The following EEF1AKMT3 variants were observed in gnomAD, a reference collection of about 807,000 sequenced individuals.
EEF1AKMT3 encodes eEF1A-KMT3.
Under a neutral mutation model 17.8 loss-of-function variants are expected in EEF1AKMT3, and 17 were observed. That is an observed-to-expected ratio of 0.96 (90% CI 0.65 to 1.43). The LOEUF (loss-of-function observed/expected upper bound fraction) is 1.43. EEF1AKMT3 is among the 40% of genes most tolerant of loss of function. EEF1AKMT3 has a pLI of 0.00. For synonymous variants in EEF1AKMT3, 116 were observed against 126.5 expected (o/e 0.92, Z 0.56); for missense variants, 244 against 285.8 (o/e 0.85, Z 1.06).
Position 57,780,271 on chromosome 12 carries a change from C to G in EEF1AKMT3, c.306C>G (p.Ile102Met), listed in dbSNP as rs1223447425. Reference sequence around the variant, plus strand: ...CTCTCTCAGGGGGGGATGTTACCATCACTGACCTGCCCCTGGCCCTAGAAC... The same window carrying G: ...CTCTCTCAGGGGGGGATGTTACCATGACTGACCTGCCCCTGGCCCTAGAAC... ...LAALQGGDVT[I>M]TDLPLALEQI... Residue 102 changes from isoleucine (I) to methionine (M), a missense_variant, in exon 3 of 3, where the codon ATC (isoleucine) becomes ATG (methionine). Coordinates refer to ENST00000300209, the MANE Select transcript of EEF1AKMT3 (RefSeq NM_015433.3). The G allele has an allele frequency of 6.2e-7, 1 of 1,613,358 alleles. No homozygotes were observed. The highest frequency in any genetic ancestry group is 1.3e-5 in the African/African-American group (1 of 75,012).
chr12:57,775,783 C>G (rs569062704), intron 2 of EEF1AKMT3, among the ~76,000 whole-genome samples: 2 of 152,236 alleles, frequency 1.3e-5, no homozygotes, highest in Non-Finnish European at 2.9e-5. Context: ...CCACCAAACA[C>G]ATTTCTCCCT....
In EEF1AKMT3 at chr12:57,780,292, A is replaced by G. The variant is rs1955504383; in HGVS notation, c.327A>G (p.Leu109=). 1 of 1,613,902 alleles carries G rather than the reference A, an allele frequency of 6.2e-7. No homozygotes were observed. The highest frequency in any genetic ancestry group is 8.5e-7 in the Non-Finnish European group (1 of 1,180,006). The part of the protein sequence containing the change: ...DVTITDLPLA[L]EQIQGNVQAN... ...CCATCACTGACCTGCCCCTGGCCCT[A>G]GAACAGATCCAGGGCAACGTCCAGG... Residue 109 remains leucine (L), a synonymous_variant, in exon 3 of 3, where the codon CTA becomes CTG. Coordinates refer to ENST00000300209, the MANE Select transcript of EEF1AKMT3 (RefSeq NM_015433.3).
chr12:57,773,412 T>TC lies in EEF1AKMT3; in HGVS notation c.289+284_289+285insC, dbSNP rs59022195. Among the ~76,000 whole-genome samples the TC allele has an allele frequency of 8.1e-4, 63 of 77,376 alleles. 2 individuals are homozygous for TC. The South Asian group carries it at 0.04, about 49-fold the overall frequency. The allele number at this position is 77,376 out of a possible 152,430, so 50.8% of individuals were successfully genotyped here. On this transcript the variant is annotated intron_variant, in intron 2 of 2. Transcript: ENST00000300209. ...GAAGGAGTTGTTTCTATCGTGTTGC[T>TC]TTTTTTTTGTTTTTAATTTTTTTTG... is the stretch of plus-strand genomic sequence containing the variant.
intron 2 of EEF1AKMT3, among the ~76,000 whole-genome samples, chr12:57,777,430 G>A (rs1361604302): frequency 6.6e-6 from 1 of 152,136 alleles, no homozygotes; most frequent in Non-Finnish European, 1.5e-5. Flanking sequence ...AAGGTCGTGA[G>A]CTTCATTTCC....
intron 2 of EEF1AKMT3, 143 bp from the exon 3 acceptor site, chr12:57,780,112 T>A: frequency 1.1e-6 from 1 of 873,492 alleles, no homozygotes; most frequent in Non-Finnish European, 1.7e-6. Context: ...AAATGGAGGT[T>A]GAGGCAACTA....
Position 57,780,492 on chromosome 12 carries a change from T to C in EEF1AKMT3, c.527T>C (p.Ile176Thr), listed in dbSNP as rs111299874. 6.6e-3 allele frequency: 10,604 copies of C among 1,614,154 alleles called. 79 individuals are homozygous for C. Among genetic ancestry groups the C allele is most frequent in the Non-Finnish European group, 7.8e-3 (9,181 of 1,180,024 alleles). Residue 176 changes from isoleucine (I) to threonine (T), a missense_variant, in exon 3 of 3, where the codon ATC (isoleucine) becomes ACC (threonine). Ile to Thr is a moderately conservative substitution (Grantham distance 89). Transcript: ENST00000300209. ...CACCTGTGCAGGCCCCATGGCACCATCTATCTGGCCTCCAAGATGAGAAAG... is the reference window on the plus strand; with the variant it reads ...CACCTGTGCAGGCCCCATGGCACCACCTATCTGGCCTCCAAGATGAGAAAG... ...LQHLCRPHGT[I>T]YLASKMRKEH...
Position 57,781,769 on chromosome 12 carries a change from A to C in EEF1AKMT3, c.*1123A>C, listed in dbSNP as rs1370310560. The C allele has an allele frequency of 1.3e-5, 2 of 152,000 alleles. No homozygotes were observed. Among genetic ancestry groups the C allele is most frequent in the East Asian group, 3.9e-4 (2 of 5,182 alleles). 9.4% of individuals were successfully genotyped at this position (152,000 alleles called of 1,614,324 possible). On this transcript the variant is annotated 3_prime_UTR_variant, in exon 3 of 3. Transcript: ENST00000300209. Reference sequence around the variant, plus strand: ...ACCTCTTTTCTCTTCCCACATTGGTACTTCTGGTTGGGGCTCTCTTTACTT... The same window carrying C: ...ACCTCTTTTCTCTTCCCACATTGGTCCTTCTGGTTGGGGCTCTCTTTACTT...
At chr12:57,774,706 G>A in intron 2 of EEF1AKMT3, 1 of 1,613,040 alleles carries the variant, frequency 6.2e-7, no homozygotes, top group Non-Finnish European at 8.5e-7. Flanking sequence ...TGGAGCCTGT[G>A]GACATGCTCT....
intron 2 of EEF1AKMT3, among the ~76,000 whole-genome samples, chr12:57,779,737 C>G (rs927702012): frequency 6.6e-6 from 1 of 152,284 alleles, no homozygotes; most frequent in South Asian, 2.1e-4. Context: ...ATCACTTTCC[C>G]TTTGTCTCAT....
At chr12:57,774,559 C>T (rs926879593) in intron 2 of EEF1AKMT3, 44 of 729,588 alleles carry the variant, frequency 6.0e-5, no homozygotes, top group African/African-American at 4.9e-4. Flanking sequence ...TTTCAAGTCC[C>T]CTATGTACCA....
intron 2 of EEF1AKMT3, among the ~76,000 whole-genome samples, chr12:57,776,161 T>C (rs907740834): frequency 1.3e-5 from 2 of 152,232 alleles, no homozygotes; most frequent in East Asian, 1.9e-4. Flanking sequence ...CCAACACCTA[T>C]GGCATGGCCC....
intron 2 of EEF1AKMT3, among the ~76,000 whole-genome samples, chr12:57,779,396 T>C (rs578109662): frequency 3.4e-4 from 52 of 152,274 alleles, no homozygotes; most frequent in Non-Finnish European, 6.5e-4. Flanking sequence ...CTTATCTTCT[T>C]AGTTCATCAT....
intron 2 of EEF1AKMT3, chr12:57,774,878 G>C: frequency 1.0e-6 from 1 of 980,290 alleles, no homozygotes; most frequent in Non-Finnish European, 1.5e-6. Context: ...GGCCGAGGCA[G>C]GCGGATTACC....
At chr12:57,775,376 CTT>C (rs199924829) in intron 2 of EEF1AKMT3, among the ~76,000 whole-genome samples, 11 of 136,534 alleles carry the variant, frequency 8.1e-5, no homozygotes, top group Admixed American at 1.5e-4. Context: ...GTTAAATGTT[CTT>C]TTTTTTTTTT....
intron 2 of EEF1AKMT3, among the ~76,000 whole-genome samples, chr12:57,779,672 G>T (rs1476872669): frequency 6.6e-6 from 1 of 152,072 alleles, no homozygotes; most frequent in East Asian, 1.9e-4. Flanking sequence ...ACCCGTTTCT[G>T]CCCTTAAAGC....
rs1196643670 is a variant in EEF1AKMT3, at chr12:57,773,040, C to A, written c.201C>A (p.Phe67Leu). The A allele has an allele frequency of 1.2e-6, 2 of 1,614,134 alleles. No homozygotes were observed. Among genetic ancestry groups the A allele is most frequent in the South Asian group, 1.1e-5 (1 of 91,080 alleles). ...AGGCCCTGAGCCTGTGCAATTATTT[C>A]GAGAGTCAAAATGTGGATTTCCGAG... Reference protein sequence around the residue: ...WDAALSLCNYFESQNVDFRGK... With the variant: ...WDAALSLCNYLESQNVDFRGK... The change falls in exon 2 of 3, where the codon TTC becomes TTA. Residue 67 changes from phenylalanine to leucine, a missense_variant. Transcript: ENST00000300209.
At chr12:57,777,425 C>T (rs987778787) in intron 2 of EEF1AKMT3, among the ~76,000 whole-genome samples, 11 of 152,142 alleles carry the variant, frequency 7.2e-5, no homozygotes, top group Non-Finnish European at 1.5e-4. Flanking sequence ...TAGTTAAGGT[C>T]GTGAGCTTCA....
intron 2 of EEF1AKMT3, among the ~76,000 whole-genome samples, chr12:57,775,505 C>A (rs1322823556): frequency 1.3e-5 from 2 of 152,112 alleles, no homozygotes; most frequent in Admixed American, 6.5e-5. Flanking sequence ...CCTCAGCCTC[C>A]CGAGTAGCTG....
Position 57,772,776 on chromosome 12 carries a change from C to T in EEF1AKMT3, c.52C>T (p.Arg18Trp), listed in dbSNP as rs751039778. The change falls in exon 1 of 3, where the codon CGG becomes TGG. Residue 18 changes from arginine to tryptophan, a missense_variant. Arg to Trp is a moderately radical substitution (Grantham distance 101). Coordinates refer to ENST00000300209, the MANE Select transcript of EEF1AKMT3 (RefSeq NM_015433.3). This position sits in a 1 kb window ranked among gnomAD's most constrained non-coding sequence, Gnocchi z 4.1. ...PESESESVFP[R>W]EVGLFADSYS... is the part of the protein sequence containing the mutation. ...ATCTGAGTCGGAATCGGTGTTCCCG[C>T]GGGAGGTCGGGCTCTTTGCAGACTC... 4 of 1,614,168 alleles carry T rather than the reference C, an allele frequency of 2.5e-6. No individual in the cohort carries two copies. Among genetic ancestry groups the T allele is most frequent in the Non-Finnish European group, 3.4e-6 (4 of 1,179,988 alleles).
Sources: gnomAD v4.1 joint callset for allele counts (sites outside exome capture counted in the v4.1 genomes callset) on GRCh38, gnomAD v4.1.1 for gene constraint, Gnocchi (gnomAD v3.1) non-coding constraint, MANE v1.5 for transcripts, NCBI Gene and HGNC (gene_info 2026-07-23, HGNC 2026-07-21) for gene names.